Variants in MGAT5 observed in about 807,000 individuals in gnomAD.
MGAT5 encodes the protein alpha-1,6-mannosylglycoprotein 6-beta-N-acetylglucosaminyltransferase.
MGAT5 carries 30 observed loss-of-function variants against 94.3 expected under a neutral mutation model. The observed-to-expected ratio is 0.32, with a 90% CI of 0.24 to 0.43. MGAT5 has a LOEUF of 0.43. Ranked by LOEUF, MGAT5 falls within the 20% of genes least tolerant of loss-of-function variation. MGAT5 has a pLI of 1.00. For missense variants in MGAT5, 691 were observed against 905.5 expected, an observed-to-expected ratio of 0.76 and a Z score of 3.04; for synonymous variants, 310 against 322.9, an observed-to-expected ratio of 0.96 and a Z score of 0.43.
At chr2:134,387,466 G>A (rs1462282433) in intron 10 of MGAT5, among the ~76,000 whole-genome samples, 1 of 150,002 alleles carries the variant, frequency 6.7e-6, no homozygotes, top group African/African-American at 2.5e-5. Flanking sequence ...GCAAGTTTCT[G>A]GGCCTGAGTT....
At chr2:134,382,327 A>C (rs1681684232) in intron 10 of MGAT5, among the ~76,000 whole-genome samples, 1 of 152,090 alleles carries the variant, frequency 6.6e-6, no homozygotes, top group South Asian at 2.1e-4. Flanking sequence ...TTGTGATAGA[A>C]GCTCCCCAGG....
At chr2:134,246,950 C>T (rs747074583) in intron 1 of MGAT5, among the ~76,000 whole-genome samples, 29 of 151,974 alleles carry the variant, frequency 1.9e-4, no homozygotes, top group Non-Finnish European at 3.4e-4. Flanking sequence ...ATTGTTAGAC[C>T]AGGGAGATGT....
chr2:134,385,590 A>G (rs1477736388), intron 10 of MGAT5, among the ~76,000 whole-genome samples: 3 of 152,190 alleles, frequency 2.0e-5, no homozygotes, highest in Non-Finnish European at 2.9e-5. Context: ...GGGGTGTTCA[A>G]TCACAAGTGG....
chr2:134,261,826 G>A (rs1178074390), intron 1 of MGAT5, among the ~76,000 whole-genome samples: 1 of 152,206 alleles, frequency 6.6e-6, no homozygotes, highest in Non-Finnish European at 1.5e-5. Context: ...AGCAGCCCCT[G>A]GTGAAACTCT....
At chr2:134,148,160 G>A (rs1687011902) in intron 1 of MGAT5, among the ~76,000 whole-genome samples, 1 of 152,188 alleles carries the variant, frequency 6.6e-6, no homozygotes, top group Non-Finnish European at 1.5e-5. Flanking sequence ...ATGTTATTTT[G>A]AGGAAACATC....
intron 10 of MGAT5, among the ~76,000 whole-genome samples, chr2:134,381,162 A>G (rs907666590): frequency 2.3e-4 from 35 of 152,208 alleles, no homozygotes; most frequent in Non-Finnish European, 4.4e-4. Flanking sequence ...TATAATGACT[A>G]TTATAGCTGG....
At chr2:134,307,700 ATGAT>A (rs1369823638) in intron 2 of MGAT5, among the ~76,000 whole-genome samples, 1 of 152,068 alleles carries the variant, frequency 6.6e-6, no homozygotes, top group African/African-American at 2.4e-5. Context: ...TCAGACAGAG[ATGAT>A]TGATTGGTTA....
chr2:134,130,237 G>GCCCCACACCGCCCCACACCA (rs1686076886), intron 1 of MGAT5, among the ~76,000 whole-genome samples: 1 of 74,506 alleles, frequency 1.3e-5, no homozygotes, highest in African/African-American at 5.2e-5. Flanking sequence ...GCCCCACACC[G>GCCCCACACCGCCCCACACCA]CCCCACACCG....
At chr2:134,164,019 G>A (rs567615365) in intron 1 of MGAT5, among the ~76,000 whole-genome samples, 78 of 152,320 alleles carry the variant, frequency 5.1e-4, no homozygotes, top group African/African-American at 1.8e-3. Flanking sequence ...GCAGTGTGTA[G>A]GGAACCTGCA....
In MGAT5 at chr2:134,311,671, C is replaced by T. The variant is rs117225745; in HGVS notation, c.407-5858C>T. 3.0e-4 allele frequency among the ~76,000 whole-genome samples: 45 copies of T among 152,270 alleles called. No individual in the cohort carries two copies. In the East Asian group the frequency reaches 8.5e-3, roughly 29 times the overall value. On this transcript the variant is annotated intron_variant, in intron 2 of 15. Coordinates refer to ENST00000281923, the MANE Select transcript of MGAT5 (RefSeq NM_002410.5). ...AGAAGTGAGATTAGCCCCTGACTTCCAGCCTCTTTGTTTTTGAGATTCTTT... is the reference window on the plus strand; with the variant it reads ...AGAAGTGAGATTAGCCCCTGACTTCTAGCCTCTTTGTTTTTGAGATTCTTT...
intron 1 of MGAT5, among the ~76,000 whole-genome samples, chr2:134,142,232 T>C (rs1347367689): frequency 6.6e-6 from 1 of 152,180 alleles, no homozygotes; most frequent in East Asian, 1.9e-4. Flanking sequence ...GTTTAGGTGT[T>C]GTTGGCATTG....
intron 1 of MGAT5, among the ~76,000 whole-genome samples, chr2:134,151,502 G>C (rs1687173692): frequency 7.7e-6 from 1 of 130,050 alleles, no homozygotes; most frequent in Non-Finnish European, 1.6e-5. Flanking sequence ...ACTCACTCAT[G>C]CCCTGTGGGA....
chr2:134,276,366 G>T lies in MGAT5; in HGVS notation c.406+5816G>T, dbSNP rs541559480. On this transcript the variant is annotated intron_variant, in intron 2 of 15. Transcript: ENST00000281923. ...AGGTAATTATTTCTTCTCGTGAAAG[G>T]ACCACTAATTCCGGATAACAATGGT... 2.0e-5 allele frequency among the ~76,000 whole-genome samples: 3 copies of T among 152,318 alleles called. No homozygotes were observed. In the South Asian group the frequency reaches 6.2e-4, roughly 32 times the overall value.
At chr2:134,161,295 G>A (rs867948459) in intron 1 of MGAT5, among the ~76,000 whole-genome samples, 1 of 152,256 alleles carries the variant, frequency 6.6e-6, no homozygotes, top group Non-Finnish European at 1.5e-5. Context: ...TGCCAAGGCC[G>A]TGGGGCTAGC....
chr2:134,292,161 G>A (rs1573720754), intron 2 of MGAT5, among the ~76,000 whole-genome samples: 1 of 152,288 alleles, frequency 6.6e-6, no homozygotes, highest in South Asian at 2.1e-4. Flanking sequence ...TCAATTTAGT[G>A]AATGTCATAG....
intron 1 of MGAT5, among the ~76,000 whole-genome samples, chr2:134,132,834 A>G (rs1004465696): frequency 5.3e-5 from 8 of 152,236 alleles, no homozygotes; most frequent in African/African-American, 1.9e-4. Context: ...CAGATGTGAA[A>G]ACTCACCCTT....
chr2:134,225,375 A>G (rs1003045835), intron 1 of MGAT5, among the ~76,000 whole-genome samples: 2 of 152,214 alleles, frequency 1.3e-5, no homozygotes, highest in East Asian at 1.9e-4. Context: ...CGAGTCACAC[A>G]AGAGTGATGT....
intron 1 of MGAT5, among the ~76,000 whole-genome samples, chr2:134,153,345 GTCT>G (rs1687316095): frequency 1.3e-5 from 2 of 152,278 alleles, no homozygotes; most frequent in African/African-American, 4.8e-5. Context: ...GAGACCCTTG[GTCT>G]TCTTTCTTTT....
intron 4 of MGAT5, among the ~76,000 whole-genome samples, chr2:134,329,848 G>A (rs1443722270): frequency 1.3e-5 from 2 of 152,096 alleles, no homozygotes; most frequent in East Asian, 3.9e-4. Context: ...TCAGGTGTTG[G>A]TGCAGAGAAC....
Sources: gnomAD v4.1 joint callset for allele counts (sites outside exome capture counted in the v4.1 genomes callset) on GRCh38, gnomAD v4.1.1 for gene constraint, MANE v1.5 for transcripts, NCBI Gene and HGNC (gene_info 2026-07-23, HGNC 2026-07-21) for gene names.